BTBD8: variants seen among roughly 807,000 people sequenced by gnomAD.
The protein encoded by BTBD8 is BTB domain containing 8, also known as BTB/POZ domain-containing protein 8.
Under a neutral mutation model 162.9 loss-of-function variants are expected in BTBD8, and 110 were observed. The observed-to-expected ratio is 0.68, with a 90% CI of 0.58 to 0.79. BTBD8 has a LOEUF of 0.79. Ranked by LOEUF, BTBD8 falls within the 30% of genes least tolerant of loss-of-function variation. The pLI, the probability that BTBD8 is intolerant of heterozygous loss-of-function variation, is 0.00. For missense variants in BTBD8, 1,905 were observed against 2,085.4 expected (o/e 0.91, Z 1.68); for synonymous variants, 667 against 716.1 (o/e 0.93, Z 1.10).
chr1:92,118,993 G>A (rs1649121307), intron 4 of BTBD8, among the ~76,000 whole-genome samples: 1 of 150,990 alleles, frequency 6.6e-6, no homozygotes, highest in Admixed American at 6.6e-5. Flanking sequence ...TATCTACATG[G>A]GGCACTTACT....
In BTBD8 at chr1:92,184,321, T is replaced by C; in HGVS notation, c.5370T>C (p.Thr1790=). Residue 1790 remains threonine (T), a synonymous_variant, in exon 18 of 18, where the codon ACT becomes ACC. Coordinates refer to ENST00000636805, the MANE Select transcript of BTBD8 (RefSeq NM_001376131.1). ...QGEWTILELE[T]QH is the part of the protein sequence containing the mutation. ...AGTGGACAATTCTGGAACTGGAAAC[T>C]CAGCATTAAGTGTTAACATTTTGGA... 6.5e-7 allele frequency: 1 copy of C among 1,547,354 alleles called. No individual in the cohort carries two copies. Among genetic ancestry groups the C allele is most frequent in the East Asian group, 2.4e-5 (1 of 40,868 alleles).
chr1:92,114,898 A>G, intron 4 of BTBD8: 1 of 319,900 alleles, frequency 3.1e-6, no homozygotes, highest in Non-Finnish European at 6.1e-6. Flanking sequence ...CAAAGTGGTC[A>G]TTAGGGCAAT....
At chr1:92,119,801 A>G (rs1296018159) in intron 4 of BTBD8, among the ~76,000 whole-genome samples, 2 of 145,914 alleles carry the variant, frequency 1.4e-5, no homozygotes, top group Non-Finnish European at 3.0e-5. Flanking sequence ...TTGTATTTTT[A>G]GTAGAGATGG....
At chr1:92,106,660 CAA>C (rs60676530) in intron 3 of BTBD8, among the ~76,000 whole-genome samples, 1 of 9,952 alleles carries the variant, frequency 1.0e-4, no homozygotes, top group Non-Finnish European at 1.7e-4. Context: ...GACTCTGTCT[CAA>C]AAAAAAAAAA....
rs1380423498 is a variant in BTBD8, at chr1:92,080,441, T to A, written c.-131T>A. The A allele has an allele frequency of 1.2e-5, 17 of 1,362,664 alleles. No homozygotes were observed. The highest frequency in any genetic ancestry group is 1.7e-5 in the Non-Finnish European group (17 of 1,018,576). 84.4% of individuals were successfully genotyped at this position (1,362,664 alleles called of 1,614,324 possible). A position where few individuals can be genotyped will look rare whatever the true frequency, so the allele number is the denominator to read the frequency against. ...ACTGTCTACAAACCGACGAGAGGCGTCAACCTTTTACCCTAGGGGGCGGAT... is the reference window on the plus strand; with the variant it reads ...ACTGTCTACAAACCGACGAGAGGCGACAACCTTTTACCCTAGGGGGCGGAT... On this transcript the variant is annotated 5_prime_UTR_variant, in exon 1 of 18. Coordinates refer to ENST00000636805, the MANE Select transcript of BTBD8 (RefSeq NM_001376131.1).
chr1:92,145,841 C>T (rs569482562), intron 7 of BTBD8, among the ~76,000 whole-genome samples: 20 of 152,002 alleles, frequency 1.3e-4, no homozygotes, highest in African/African-American at 3.9e-4. Flanking sequence ...GTTAGCCAGG[C>T]GTGGTGGCAG....
At chr1:92,162,455 G>C (rs114196769) in intron 9 of BTBD8, among the ~76,000 whole-genome samples, 14 of 152,220 alleles carry the variant, frequency 9.2e-5, no homozygotes, top group Admixed American at 3.3e-4. Context: ...CTCTTCAGGA[G>C]GTCCCCAACA....
Position 92,184,528 on chromosome 1 carries a change from CTAAT to C in BTBD8, c.*201_*204del, listed in dbSNP as rs1448586857. 1 of 405,648 alleles carries C rather than the reference CTAAT, an allele frequency of 2.5e-6. No homozygotes were observed. Among genetic ancestry groups the C allele is most frequent in the African/African-American group, 2.0e-5 (1 of 48,882 alleles). The allele number at this position is 405,648 out of a possible 1,614,324, so 25.1% of individuals were successfully genotyped here. ...TCTAAAGTTTTTGAGCATGTTTTCT[CTAAT>C]TATTAGAGAAATTAGAAGACTTATA... On this transcript the variant is annotated 3_prime_UTR_variant, in exon 18 of 18. Coordinates refer to ENST00000636805, the MANE Select transcript of BTBD8 (RefSeq NM_001376131.1).
chr1:92,116,114 A>C (rs1478112005), intron 4 of BTBD8, among the ~76,000 whole-genome samples: 1 of 152,006 alleles, frequency 6.6e-6, no homozygotes, highest in Non-Finnish European at 1.5e-5. Context: ...GGTTGTCTAG[A>C]CGTATGTTTA....
At position 92,154,246 on chromosome 1, in the gene BTBD8, A is replaced by G. The variant is rs573999228; in HGVS notation, c.1122+6460A>G. Reference sequence around the variant, plus strand: ...AATAAACCTCTTTTCCTTATAAATTACTTAGCCTGCAGTAGTCCTTTCATA... The same window carrying G: ...AATAAACCTCTTTTCCTTATAAATTGCTTAGCCTGCAGTAGTCCTTTCATA... On this transcript the variant is annotated intron_variant, in intron 9 of 17. Coordinates refer to ENST00000636805, the MANE Select transcript of BTBD8 (RefSeq NM_001376131.1). 3.3e-5 allele frequency among the ~76,000 whole-genome samples: 5 copies of G among 152,272 alleles called. No homozygotes were observed. In the South Asian group the frequency reaches 1.0e-3, roughly 32 times the overall value.
At chr1:92,174,263 T>C (rs1650638230) in intron 13 of BTBD8, among the ~76,000 whole-genome samples, 1 of 152,124 alleles carries the variant, frequency 6.6e-6, no homozygotes. Flanking sequence ...CAATCACAAC[T>C]CACTGCAGCC....
At chr1:92,103,468 A>C (rs1252608784) in intron 3 of BTBD8, among the ~76,000 whole-genome samples, 2 of 152,198 alleles carry the variant, frequency 1.3e-5, no homozygotes, top group African/African-American at 2.4e-5. Flanking sequence ...AGGTCCCTGG[A>C]TCAGAGAACA....
intron 12 of BTBD8, among the ~76,000 whole-genome samples, chr1:92,170,122 G>T (rs952517498): frequency 1.3e-5 from 2 of 152,086 alleles, no homozygotes; most frequent in African/African-American, 4.8e-5. Context: ...TCATAGTTAA[G>T]TTGAGCTTCT....
intron 10 of BTBD8, 63 bp downstream of exon 10, chr1:92,167,203 A>T: frequency 6.6e-7 from 1 of 1,515,776 alleles, no homozygotes; most frequent in Non-Finnish European, 8.9e-7. Flanking sequence ...TCAATTATGT[A>T]AGAGCTTTTA....
chr1:92,103,251 A>G (rs2101903693), intron 3 of BTBD8, among the ~76,000 whole-genome samples: 1 of 152,356 alleles, frequency 6.6e-6, no homozygotes, highest in African/African-American at 2.4e-5. Flanking sequence ...TTGTTGGGTT[A>G]AAGGATCTTA....
intron 7 of BTBD8, among the ~76,000 whole-genome samples, chr1:92,145,625 C>A (rs374222820): frequency 6.6e-6 from 1 of 152,316 alleles, no homozygotes; most frequent in East Asian, 1.9e-4. Flanking sequence ...GAGTTGTTTT[C>A]ACTACTTGTA....
At chr1:92,182,946 A>G (rs1650960011) in intron 17 of BTBD8, among the ~76,000 whole-genome samples, 1 of 152,042 alleles carries the variant, frequency 6.6e-6, no homozygotes, top group Non-Finnish European at 1.5e-5. Context: ...TTTATTATAC[A>G]TTGGATATGA....
At chr1:92,113,969 G>A (rs570943710) in intron 4 of BTBD8, among the ~76,000 whole-genome samples, 5 of 145,160 alleles carry the variant, frequency 3.4e-5, no homozygotes, top group East Asian at 4.1e-4. Context: ...CCGAGATCAC[G>A]TCACTGCACT....
At chr1:92,089,157 C>G (rs1056690716) in intron 2 of BTBD8, among the ~76,000 whole-genome samples, 4 of 151,924 alleles carry the variant, frequency 2.6e-5, no homozygotes, top group African/African-American at 9.7e-5. Flanking sequence ...TAAGACTGAT[C>G]CTGAGAAAAG....
Sources: gnomAD v4.1 joint callset for allele counts (sites outside exome capture counted in the v4.1 genomes callset) on GRCh38, gnomAD v4.1.1 for gene constraint, MANE v1.5 for transcripts, NCBI Gene and HGNC (gene_info 2026-07-23, HGNC 2026-07-21) for gene names.